The following R3HCC1L variants were observed in gnomAD, a reference collection of about 807,000 sequenced individuals.
R3HCC1L encodes the protein R3H domain and coiled-coil containing 1 like.
Under a neutral mutation model 59.9 loss-of-function variants are expected in R3HCC1L, and 51 were observed. That is an observed-to-expected ratio of 0.85 (90% confidence interval 0.68 to 1.07). The LOEUF (loss-of-function observed/expected upper bound fraction) is 1.07. Ranked by LOEUF, R3HCC1L falls within the 50% of genes least tolerant of loss-of-function variation. The pLI is 0.00. For synonymous variants in R3HCC1L, 322 were observed against 315.2 expected, an observed-to-expected ratio of 1.02 and a Z score of -0.23; for missense variants, 965 against 933.0, an observed-to-expected ratio of 1.03 and a Z score of -0.45.
At chr10:98,139,970 C>T (rs756786308) in intron 1 of R3HCC1L, among the ~76,000 whole-genome samples, 19 of 151,484 alleles carry the variant, frequency 1.3e-4, no homozygotes, top group African/African-American at 4.1e-4. Context: ...TAACATGGGT[C>T]AAACTGAACA....
chr10:98,235,400 T>C (rs1856815911), intron 7 of R3HCC1L, 25 bp from the exon 8 acceptor site: 3 of 1,591,120 alleles, frequency 1.9e-6, no homozygotes, highest in South Asian at 2.2e-5. Context: ...TCATGTCTTC[T>C]GCTTCCTTTT....
At chr10:98,208,012 G>A (rs1385615605) in intron 4 of R3HCC1L, 89 bp from the exon 5 acceptor site, 11 of 1,213,126 alleles carry the variant, frequency 9.1e-6, no homozygotes, top group African/African-American at 4.6e-5. Flanking sequence ...GTGACAGTGT[G>A]AGACTCTGTC....
intron 5 of R3HCC1L, among the ~76,000 whole-genome samples, chr10:98,217,316 C>T (rs1854321546): frequency 6.6e-6 from 1 of 152,086 alleles, no homozygotes. Context: ...TGTCGAAAAT[C>T]AGTTGGCTGT....
At chr10:98,197,208 C>A (rs914772016) in intron 4 of R3HCC1L, among the ~76,000 whole-genome samples, 2 of 54,292 alleles carry the variant, frequency 3.7e-5, no homozygotes, top group Non-Finnish European at 9.4e-5. Flanking sequence ...AGCCACCATG[C>A]CCCCCCCTCC....
At chr10:98,192,814 C>CA in intron 4 of R3HCC1L, among the ~76,000 whole-genome samples, 1 of 152,122 alleles carries the variant, frequency 6.6e-6, no homozygotes, top group South Asian at 2.1e-4. Context: ...ACCCTGATAC[C>CA]AAAGCCAGAG....
intron 1 of R3HCC1L, among the ~76,000 whole-genome samples, chr10:98,147,878 C>T (rs1436730369): frequency 6.6e-6 from 1 of 151,992 alleles, no homozygotes; most frequent in East Asian, 1.9e-4. Flanking sequence ...CTCAGGATTG[C>T]TTTGGCTATT....
At chr10:98,155,103 TATTTGGAAATACTCTCCA>T (rs1439692479) in intron 1 of R3HCC1L, among the ~76,000 whole-genome samples, 1 of 152,244 alleles carries the variant, frequency 6.6e-6, no homozygotes, top group Admixed American at 6.5e-5. Flanking sequence ...CCCAGTCTTC[TATTTGGAAATACTCTCCA>T]ATTTGGTTGT....
chr10:98,182,088 C>G lies in R3HCC1L; in HGVS notation c.-15+18691C>G, dbSNP rs114104734. 2.8e-3 allele frequency among the ~76,000 whole-genome samples: 423 copies of G among 152,296 alleles called. 1 individual carries two copies. The highest frequency in any genetic ancestry group is 9.7e-3 in the African/African-American group (404 of 41,562). ...GAGCTGTGATCCTTTCGAGGAGAAG[C>G]AGCGCTCTGGTTTTTAGAATTTTCA... On this transcript the variant is annotated intron_variant, in intron 4 of 9. Coordinates refer to ENST00000298999, the MANE Select transcript of R3HCC1L (RefSeq NM_001351015.2).
chr10:98,210,783 C>G (rs1277235276), intron 5 of R3HCC1L, among the ~76,000 whole-genome samples: 4 of 152,136 alleles, frequency 2.6e-5, no homozygotes, highest in Non-Finnish European at 5.9e-5. Context: ...GTTCTCTCTA[C>G]GAGACTATTT....
chr10:98,226,120 C>G (rs559367887), intron 5 of R3HCC1L, among the ~76,000 whole-genome samples: 1 of 152,212 alleles, frequency 6.6e-6, no homozygotes, highest in South Asian at 2.1e-4. Context: ...GATTACAGGT[C>G]TGTGCCACCA....
At chr10:98,208,009 T>C (rs1852910641) in intron 4 of R3HCC1L, 92 bp from the exon 5 acceptor site, 13 of 1,164,098 alleles carry the variant, frequency 1.1e-5, no homozygotes, top group Non-Finnish European at 1.4e-5. Context: ...TGGGTGACAG[T>C]GTGAGACTCT....
intron 4 of R3HCC1L, among the ~76,000 whole-genome samples, chr10:98,173,466 A>G (rs1185436840): frequency 6.6e-6 from 1 of 152,172 alleles, no homozygotes; most frequent in African/African-American, 2.4e-5. Context: ...GATGCTTCGG[A>G]AATGAGAGCC....
chr10:98,188,471 A>G (rs969754528), intron 4 of R3HCC1L, among the ~76,000 whole-genome samples: 18 of 152,184 alleles, frequency 1.2e-4, no homozygotes, highest in Non-Finnish European at 2.1e-4. Context: ...TTCAAATGGC[A>G]ATGGAGACTC....
chr10:98,223,922 G>T (rs1855360483), intron 5 of R3HCC1L, among the ~76,000 whole-genome samples: 1 of 152,140 alleles, frequency 6.6e-6, no homozygotes, highest in African/African-American at 2.4e-5. Context: ...CCTGGGCAAT[G>T]TGTTTTGGTG....
At chr10:98,154,182 C>CAAAAAAAAAAAAAAAAAAAAAGA in intron 1 of R3HCC1L, among the ~76,000 whole-genome samples, 1 of 92,832 alleles carries the variant, frequency 1.1e-5, no homozygotes, top group Non-Finnish European at 2.1e-5. Flanking sequence ...AGAGAATAAG[C>CAAAAAAAAAAAAAAAAAAAAAGA]AAAAAAAAAA....
At chr10:98,201,880 GA>G (rs1454203799) in intron 4 of R3HCC1L, among the ~76,000 whole-genome samples, 8 of 93,900 alleles carry the variant, frequency 8.5e-5, no homozygotes, top group African/African-American at 2.8e-4. Flanking sequence ...TGAAAGATGA[GA>G]TTTTTTTTTT....
chr10:98,200,712 CT>C (rs796524637), intron 4 of R3HCC1L, among the ~76,000 whole-genome samples: 9 of 152,048 alleles, frequency 5.9e-5, no homozygotes, highest in African/African-American at 2.2e-4. Context: ...TATAGCAGAG[CT>C]AAAGCAACAA....
chr10:98,142,086 T>C (rs539795050), intron 1 of R3HCC1L, among the ~76,000 whole-genome samples: 2 of 152,352 alleles, frequency 1.3e-5, no homozygotes, highest in South Asian at 4.1e-4. Flanking sequence ...GTAAAAACTT[T>C]TAAACCTAAA....
At chr10:98,157,347 G>A (rs1846981334) in intron 2 of R3HCC1L, among the ~76,000 whole-genome samples, 1 of 152,166 alleles carries the variant, frequency 6.6e-6, no homozygotes, top group Non-Finnish European at 1.5e-5. Flanking sequence ...TAGATTTTAG[G>A]TTCAATATGC....
Sources: gnomAD v4.1 joint callset for allele counts (sites outside exome capture counted in the v4.1 genomes callset) on GRCh38, gnomAD v4.1.1 for gene constraint, MANE v1.5 for transcripts, NCBI Gene and HGNC (gene_info 2026-07-23, HGNC 2026-07-21) for gene names.